The following GOLM1 variants were observed in gnomAD, a reference collection of about 807,000 sequenced individuals.
The protein encoded by GOLM1 is golgi membrane protein 1.
Under a neutral mutation model 50.5 loss-of-function variants are expected in GOLM1, and 31 were observed. That is an observed-to-expected ratio of 0.61 (90% CI 0.46 to 0.83). GOLM1 has a LOEUF of 0.83. Ranked by LOEUF, GOLM1 falls within the 40% of genes least tolerant of loss-of-function variation. GOLM1 has a pLI of 0.00. For missense variants in GOLM1, 491 were observed against 501.3 expected (o/e 0.98, Z 0.20); for synonymous variants, 178 against 192.8 (o/e 0.92, Z 0.64).
chr9:86,044,584 T>C (rs998831543), intron 5 of GOLM1, among the ~76,000 whole-genome samples: 1 of 152,224 alleles, frequency 6.6e-6, no homozygotes, highest in African/African-American at 2.4e-5. Flanking sequence ...TGGTAATTTT[T>C]AAGACAATTA....
At chr9:86,036,684 AGAC>A in intron 6 of GOLM1, 177 bp from the exon 7 acceptor site, 1 of 627,272 alleles carries the variant, frequency 1.6e-6, no homozygotes, top group Non-Finnish European at 2.7e-6. Flanking sequence ...GTAAATCAGA[AGAC>A]AAGAGGTTGA....
chr9:86,089,061 C>A (rs1835089406), intron 1 of GOLM1, among the ~76,000 whole-genome samples: 1 of 152,014 alleles, frequency 6.6e-6, no homozygotes, highest in Non-Finnish European at 1.5e-5. Flanking sequence ...GTTGAAAGTT[C>A]TTTTAAGAAT....
chr9:86,026,525 T>C lies in GOLM1; in HGVS notation c.*1292A>G. 2 of 885,934 alleles carry C rather than the reference T, an allele frequency of 2.3e-6. No homozygotes were observed. The highest frequency in any genetic ancestry group is 1.2e-4 in the East Asian group (1 of 8,316). 54.9% of individuals were successfully genotyped at this position (885,934 alleles called of 1,614,324 possible). ...GATGCTCTGTAACTTCTAGGCCCCA[T>C]TTTCCCCTCTGAAAATAAGAGGGTT... On this transcript the variant is annotated 3_prime_UTR_variant, in exon 10 of 10. Coordinates refer to ENST00000388712, the MANE Select transcript of GOLM1 (RefSeq NM_016548.4).
chr9:86,035,232 C>T (rs558931531), intron 8 of GOLM1, 136 bp downstream of exon 8: 19 of 1,518,458 alleles, frequency 1.3e-5, no homozygotes, highest in African/African-American at 7.0e-5. Flanking sequence ...AACCTTCAAA[C>T]GAAAAGGAAT....
intron 1 of GOLM1, among the ~76,000 whole-genome samples, chr9:86,098,394 T>C (rs768149900): frequency 4.0e-4 from 61 of 152,212 alleles, no homozygotes; most frequent in Non-Finnish European, 6.0e-4. Flanking sequence ...GCCAACCTGA[T>C]GGCCATGAGC....
chr9:86,084,572 C>A (rs1216548369), intron 1 of GOLM1, among the ~76,000 whole-genome samples: 16 of 152,070 alleles, frequency 1.1e-4, no homozygotes, highest in Admixed American at 9.8e-4. Flanking sequence ...TTGATAAATT[C>A]TATGGTTAAG....
rs2118582412 is a variant in GOLM1, at chr9:86,026,194, T to TAAAC, written c.*1619_*1622dup. On this transcript the variant is annotated 3_prime_UTR_variant, in exon 10 of 10. Coordinates refer to ENST00000388712, the MANE Select transcript of GOLM1 (RefSeq NM_016548.4). ...TCTCAGCAATTCTATGCGTACAAAT[T>TAAAC]AAACATGAGATGAATAGAGACTTTA... 2 of 981,516 alleles carry TAAAC rather than the reference T, an allele frequency of 2.0e-6. No homozygotes were observed. Among genetic ancestry groups the TAAAC allele is most frequent in the South Asian group, 9.4e-5 (2 of 21,188 alleles). The allele number at this position is 981,516 out of a possible 1,614,324, so 60.8% of individuals were successfully genotyped here.
chr9:86,069,296 C>T (rs1587725605), intron 3 of GOLM1, among the ~76,000 whole-genome samples: 1 of 152,146 alleles, frequency 6.6e-6, no homozygotes, highest in Non-Finnish European at 1.5e-5. Flanking sequence ...CATACACAAT[C>T]ATTGCAAAAG....
At position 86,036,340 on chromosome 9, in the gene GOLM1, C is replaced by G; in HGVS notation, c.757+8G>C. 1 of 1,614,204 alleles carries G rather than the reference C, an allele frequency of 6.2e-7. No homozygotes were observed. The highest frequency in any genetic ancestry group is 2.2e-5 in the East Asian group (1 of 44,880). ...CTGGGAACAGGGCAACTGCTGGGCT[C>G]TGCTTACCTTTCTCAACTTGTCTCT... On this transcript the variant is annotated splice_region_variant and intron_variant, in intron 7 of 9. Transcript: ENST00000388712.
At chr9:86,045,261 G>A (rs907246387) in intron 5 of GOLM1, among the ~76,000 whole-genome samples, 1 of 151,940 alleles carries the variant, frequency 6.6e-6, no homozygotes, top group East Asian at 1.9e-4. Context: ...TGAGGCTGGA[G>A]AACTGCTTGA....
intron 5 of GOLM1, among the ~76,000 whole-genome samples, chr9:86,041,223 C>A (rs144640112): frequency 6.6e-6 from 1 of 152,102 alleles, no homozygotes; most frequent in African/African-American, 2.4e-5. Flanking sequence ...GGATATCTGG[C>A]GATTCACAAG....
chr9:86,057,636 G>A lies in GOLM1; in HGVS notation c.310-5045C>T, dbSNP rs576204607. 8.2e-5 allele frequency among the ~76,000 whole-genome samples: 11 copies of A among 134,282 alleles called. No homozygotes were observed. The East Asian group carries it at 1.4e-3, about 17-fold the overall frequency. The allele number at this position is 134,282 out of a possible 152,430, so 88.1% of individuals were successfully genotyped here. On this transcript the variant is annotated intron_variant, in intron 3 of 9. Coordinates refer to ENST00000388712, the MANE Select transcript of GOLM1 (RefSeq NM_016548.4). ...GGGCCTGGGCCACCCTTTAGGGTGGGTCTGCACACCCGTGTTCAGGGCTCC... is the reference window on the plus strand; with the variant it reads ...GGGCCTGGGCCACCCTTTAGGGTGGATCTGCACACCCGTGTTCAGGGCTCC...
chr9:86,076,549 A>G (rs532628501), intron 3 of GOLM1, among the ~76,000 whole-genome samples: 1 of 151,426 alleles, frequency 6.6e-6, no homozygotes, highest in Admixed American at 6.6e-5. Flanking sequence ...TTTAATAAAG[A>G]AAGTATAGTC....
chr9:86,047,324 G>A (rs1168155961), intron 4 of GOLM1, among the ~76,000 whole-genome samples: 1 of 152,200 alleles, frequency 6.6e-6, no homozygotes, highest in Non-Finnish European at 1.5e-5. Context: ...AGACAGGCCA[G>A]GACAGATGCA....
intron 5 of GOLM1, 96 bp downstream of exon 5, chr9:86,046,374 G>A (rs1419135684): frequency 9.4e-6 from 7 of 747,354 alleles, no homozygotes; most frequent in East Asian, 5.3e-5. Flanking sequence ...CGGAGCAGAA[G>A]GTGCATGCTC....
intron 2 of GOLM1, among the ~76,000 whole-genome samples, chr9:86,078,984 C>T (rs1834705002): frequency 6.6e-6 from 1 of 152,144 alleles, no homozygotes; most frequent in Admixed American, 6.5e-5. Flanking sequence ...TCCTACACAA[C>T]CACAGAGGGG....
At chr9:86,082,909 C>T (rs1221708970) in intron 1 of GOLM1, among the ~76,000 whole-genome samples, 2 of 152,240 alleles carry the variant, frequency 1.3e-5, no homozygotes, top group Admixed American at 6.5e-5. Flanking sequence ...ACCATTCACA[C>T]TCTTCTGTAA....
chr9:86,095,939 G>A (rs1835344194), intron 1 of GOLM1, among the ~76,000 whole-genome samples: 1 of 152,166 alleles, frequency 6.6e-6, no homozygotes, highest in South Asian at 2.1e-4. Flanking sequence ...ATGTGGGTCA[G>A]GCCAAAAGGA....
chr9:86,056,491 A>AT (rs1266505487), intron 3 of GOLM1, among the ~76,000 whole-genome samples: 1 of 145,632 alleles, frequency 6.9e-6, no homozygotes, highest in Non-Finnish European at 1.5e-5. Flanking sequence ...ATTTTTATTT[A>AT]TTTTTTATTT....
Sources: allele counts gnomAD v4.1 joint callset (sites outside exome capture counted in the v4.1 genomes callset), GRCh38; gene constraint gnomAD v4.1.1; transcripts MANE v1.5; gene names NCBI Gene and HGNC (gene_info 2026-07-23, HGNC 2026-07-21).